Variants in RYK observed in about 807,000 individuals in gnomAD.
The protein encoded by RYK is inactive tyrosine-protein kinase RYK.
RYK carries 21 observed loss-of-function variants against 70.2 expected under a neutral mutation model. The observed-to-expected ratio is 0.30, with a 90% CI of 0.21 to 0.43. RYK has a LOEUF of 0.43. Among genes scored for constraint, RYK ranks in the 20% least tolerant of loss-of-function variants. The pLI is 1.00. For synonymous variants in RYK, 267 were observed against 278.0 expected (o/e 0.96, Z 0.39); for missense variants, 604 against 753.3 (o/e 0.80, Z 2.32).
chr3:134,212,636 C>G (rs187294533), intron 2 of RYK, among the ~76,000 whole-genome samples: 14 of 152,228 alleles, frequency 9.2e-5, no homozygotes, highest in African/African-American at 3.1e-4. Context: ...TGTTCCAAAG[C>G]TTTTCTTTGT....
chr3:134,241,561 GTAAT>G (rs1363511051), intron 1 of RYK, among the ~76,000 whole-genome samples: 3 of 152,130 alleles, frequency 2.0e-5, no homozygotes, highest in South Asian at 2.1e-4. Flanking sequence ...TGTACCTCCT[GTAAT>G]TAATTAAACA....
At chr3:134,204,610 C>A (rs1462408731) in intron 5 of RYK, among the ~76,000 whole-genome samples, 2 of 151,624 alleles carry the variant, frequency 1.3e-5, no homozygotes, top group Non-Finnish European at 2.9e-5. Context: ...CACACACACA[C>A]ACACACACAC....
chr3:134,231,346 A>G (rs953909437), intron 1 of RYK, among the ~76,000 whole-genome samples: 4 of 152,176 alleles, frequency 2.6e-5, no homozygotes, highest in African/African-American at 9.7e-5. Context: ...TCCTGGGAAC[A>G]TCTGTTCTCC....
rs1449237451 is a variant in RYK at position 134,176,156 on chromosome 3, C to CAGTATTCTTTAAATACTGCTTTAA, written c.1306-118_1306-117insTTAAAGCAGTATTTAAAGAATACT. 5 of 665,288 alleles carry CAGTATTCTTTAAATACTGCTTTAA rather than the reference C, an allele frequency of 7.5e-6. No individual in the cohort carries two copies. The Admixed American group carries it at 1.1e-4, about 15-fold the overall frequency. 41.2% of individuals were successfully genotyped at this position (665,288 alleles called of 1,614,324 possible). ...AAAAATACTGCTTTAAACCTACACA[C>CAGTATTCTTTAAATACTGCTTTAA]AGAATTTTTAAAAGCTATTTCTTGA... On this transcript the variant is annotated intron_variant, in intron 11 of 14. Coordinates refer to ENST00000623711, the MANE Select transcript of RYK (RefSeq NM_002958.4).
intron 1 of RYK, among the ~76,000 whole-genome samples, chr3:134,229,294 TTC>T (rs34305748): frequency 7.2e-4 from 103 of 143,546 alleles, no homozygotes; most frequent in South Asian, 1.1e-3. Flanking sequence ...CTCTACTGCC[TTC>T]TCTCTCTCTC....
chr3:134,211,625 A>T lies in RYK; in HGVS notation c.355-18T>A, dbSNP rs2014399563. The stretch of plus-strand genomic sequence containing the variant: ...TATTCAACCTGTAAAATAGACAAAA[A>T]TAAACAAAATGGACCTGTGATAACA... On this transcript the variant is annotated intron_variant, in intron 2 of 14. Coordinates refer to ENST00000623711, the MANE Select transcript of RYK (RefSeq NM_002958.4). 1.3e-6 allele frequency: 2 copies of T among 1,546,968 alleles called. No homozygotes were observed. Among genetic ancestry groups the T allele is most frequent in the Middle Eastern group, 1.7e-4 (1 of 5,952 alleles).
chr3:134,203,800 C>A (rs2014107148), intron 5 of RYK, among the ~76,000 whole-genome samples: 1 of 152,160 alleles, frequency 6.6e-6, no homozygotes, highest in Non-Finnish European at 1.5e-5. Flanking sequence ...AGAGTACTGT[C>A]CAATACAGTA....
intron 13 of RYK, among the ~76,000 whole-genome samples, chr3:134,165,167 T>C (rs1330959064): frequency 1.3e-5 from 2 of 152,196 alleles, no homozygotes; most frequent in Non-Finnish European, 2.9e-5. Flanking sequence ...CTTATAAACT[T>C]TTTTAAAACT....
At chr3:134,176,517 T>C (rs1560003793) in intron 11 of RYK, among the ~76,000 whole-genome samples, 1 of 152,108 alleles carries the variant, frequency 6.6e-6, no homozygotes, top group African/African-American at 2.4e-5. Flanking sequence ...GGTGGGAGGA[T>C]CACTTGAGCC....
chr3:134,197,472 T>C (rs1054863649), intron 6 of RYK, among the ~76,000 whole-genome samples: 1 of 152,232 alleles, frequency 6.6e-6, no homozygotes, highest in African/African-American at 2.4e-5. Context: ...ATTTATTGCC[T>C]AGCCCTCAAA....
intron 1 of RYK, among the ~76,000 whole-genome samples, chr3:134,223,313 G>A (rs982809035): frequency 1.3e-5 from 2 of 152,058 alleles, no homozygotes; most frequent in African/African-American, 2.4e-5. Context: ...TCTTCCATAC[G>A]TATCAGGATC....
intron 10 of RYK, chr3:134,178,304 A>C (rs2013177496): frequency 2.6e-6 from 1 of 381,134 alleles, no homozygotes; most frequent in Non-Finnish European, 4.6e-6. Context: ...AAAAATCATA[A>C]ACTCAAAGTT....
chr3:134,177,178 T>C lies in RYK; in HGVS notation c.1305+763A>G, dbSNP rs578188174. On this transcript the variant is annotated intron_variant, in intron 11 of 14. Transcript: ENST00000623711. ...TACTTGGGGCTGAGGAATAAAATCC[T>C]TCCCCAGGTAATGCAGATGAGCCAC... 7.2e-5 allele frequency among the ~76,000 whole-genome samples: 11 copies of C among 152,328 alleles called. No individual in the cohort carries two copies. The East Asian group carries it at 2.1e-3, about 29-fold the overall frequency.
intron 9 of RYK, among the ~76,000 whole-genome samples, chr3:134,186,011 T>G (rs777333409): frequency 7.2e-5 from 11 of 152,218 alleles, no homozygotes; most frequent in Non-Finnish European, 1.3e-4. Flanking sequence ...AAGGTCTATC[T>G]TCAAGATGTA....
At chr3:134,238,583 C>T (rs1423356871) in intron 1 of RYK, among the ~76,000 whole-genome samples, 1 of 152,158 alleles carries the variant, frequency 6.6e-6, no homozygotes, top group Non-Finnish European at 1.5e-5. Context: ...TCTCCTGTTC[C>T]TCCCAAGGAA....
intron 1 of RYK, among the ~76,000 whole-genome samples, chr3:134,228,017 C>T (rs2014956117): frequency 6.6e-6 from 1 of 152,240 alleles, no homozygotes; most frequent in South Asian, 2.1e-4. Context: ...AGGCCAGGTA[C>T]AGTGGCTCAT....
At chr3:134,197,444 AAAAT>A (rs2013851051) in intron 6 of RYK, among the ~76,000 whole-genome samples, 2 of 152,228 alleles carry the variant, frequency 1.3e-5, no homozygotes, top group African/African-American at 2.4e-5. Context: ...GATTACATGA[AAAAT>A]AAATAAGTAA....
chr3:134,217,868 T>C (rs775799864), intron 2 of RYK, among the ~76,000 whole-genome samples: 3 of 152,200 alleles, frequency 2.0e-5, no homozygotes, highest in Non-Finnish European at 4.4e-5. Context: ...ATAAGATTAA[T>C]TTTTAAAATA....
intron 2 of RYK, among the ~76,000 whole-genome samples, chr3:134,212,701 TGGTACA>T (rs1576523705): frequency 6.6e-6 from 1 of 152,136 alleles, no homozygotes; most frequent in East Asian, 1.9e-4. Context: ...GCTAACGAAA[TGGTACA>T]TAATAAAGAT....
Sources: gnomAD v4.1 joint callset for allele counts (sites outside exome capture counted in the v4.1 genomes callset) on GRCh38, gnomAD v4.1.1 for gene constraint, MANE v1.5 for transcripts, NCBI Gene and HGNC (gene_info 2026-07-23, HGNC 2026-07-21) for gene names.